MOB3B: variants seen among roughly 807,000 people sequenced by gnomAD.
MOB3B encodes MOB kinase activator 3B.
MOB3B carries 7 observed loss-of-function variants against 18.7 expected under a neutral mutation model. The observed-to-expected ratio is 0.37, with a 90% CI of 0.21 to 0.70. MOB3B has a LOEUF of 0.70. Ranked by LOEUF, MOB3B falls within the 30% of genes least tolerant of loss-of-function variation. The pLI is 0.52. For synonymous variants in MOB3B, 111 were observed against 99.9 expected, an observed-to-expected ratio of 1.11 and a Z score of -0.66; for missense variants, 253 against 281.3, an observed-to-expected ratio of 0.90 and a Z score of 0.72.
At chr9:27,382,970 G>A (rs939726162) in intron 2 of MOB3B, among the ~76,000 whole-genome samples, 2 of 152,126 alleles carry the variant, frequency 1.3e-5, no homozygotes, top group East Asian at 1.9e-4. Flanking sequence ...AAGGTATTTG[G>A]GGGAGAGGAG....
At chr9:27,472,676 TCTAAA>T (rs78774182) in intron 1 of MOB3B, among the ~76,000 whole-genome samples, 1 of 94,628 alleles carries the variant, frequency 1.1e-5, no homozygotes, top group Non-Finnish European at 2.2e-5. Flanking sequence ...TGCACTTTAT[TCTAAA>T]AAAAAAAAAA....
At chr9:27,440,152 T>C (rs1301664229) in intron 2 of MOB3B, among the ~76,000 whole-genome samples, 1 of 152,218 alleles carries the variant, frequency 6.6e-6, no homozygotes, top group Non-Finnish European at 1.5e-5. Flanking sequence ...AGATGTTCTA[T>C]AAATCCCATT....
chr9:27,519,155 C>T (rs541930031), intron 1 of MOB3B, among the ~76,000 whole-genome samples: 1 of 152,164 alleles, frequency 6.6e-6, no homozygotes, highest in African/African-American at 2.4e-5. Flanking sequence ...CATATCCCTA[C>T]ACAAAAAGAA....
rs55829817 is a variant in MOB3B at position 27,357,148 on chromosome 9, G to GTT, written c.621+1884_621+1885dup. On this transcript the variant is annotated intron_variant, in intron 3 of 3. Transcript: ENST00000262244. ...TATATATATATATATATATATATGT[G>GTT]TTTTTTTTTTTGCCATATATTCTCA... is the stretch of plus-strand genomic sequence containing the variant. Among the ~76,000 whole-genome samples, 50 of 69,190 alleles carry GTT rather than the reference G, an allele frequency of 7.2e-4. 3 individuals are homozygous for GTT. Among genetic ancestry groups the GTT allele is most frequent in the East Asian group, 7.2e-3 (13 of 1,812 alleles). The allele number at this position is 69,190 out of a possible 152,430, so 45.4% of individuals were successfully genotyped here. A position where few individuals can be genotyped will look rare whatever the true frequency, so the allele number is the denominator to read the frequency against.
In MOB3B at chr9:27,436,299, T is replaced by C. The variant is rs549202511; in HGVS notation, c.418+18834A>G. 1.5e-4 allele frequency among the ~76,000 whole-genome samples: 23 copies of C among 152,380 alleles called. No individual in the cohort carries two copies. In the South Asian group the frequency reaches 4.8e-3, roughly 32 times the overall value. The stretch of plus-strand genomic sequence containing the variant: ...TTTCACTTGTTCATTCATCAACTTA[T>C]ACAAAGCACTTTCATGTGCCTGGCA... On this transcript the variant is annotated intron_variant, in intron 2 of 3. Transcript: ENST00000262244.
chr9:27,504,572 G>C (rs1186253655), intron 1 of MOB3B, among the ~76,000 whole-genome samples: 1 of 152,166 alleles, frequency 6.6e-6, no homozygotes, highest in Non-Finnish European at 1.5e-5. Flanking sequence ...GGGAGATAAA[G>C]GAAGGACAGC....
At chr9:27,489,681 A>G (rs1184399996) in intron 1 of MOB3B, among the ~76,000 whole-genome samples, 2 of 150,690 alleles carry the variant, frequency 1.3e-5, no homozygotes, top group African/African-American at 2.4e-5. Context: ...TAGAAGCACA[A>G]ATTTTCCTGG....
intron 2 of MOB3B, among the ~76,000 whole-genome samples, chr9:27,428,533 C>T (rs1006645839): frequency 2.0e-5 from 3 of 152,154 alleles, no homozygotes; most frequent in Non-Finnish European, 2.9e-5. Flanking sequence ...AGAAATAAGA[C>T]GTGGTAGAGG....
At chr9:27,455,071 C>A (rs1453252098) in intron 2 of MOB3B, 62 bp downstream of exon 2, 16 of 1,592,318 alleles carry the variant, frequency 1.0e-5, no homozygotes, top group East Asian at 2.2e-5. Flanking sequence ...AGGCAGTCTG[C>A]AAATTTTCAT....
chr9:27,456,620 C>T (rs1234835925), intron 1 of MOB3B, among the ~76,000 whole-genome samples: 1 of 152,202 alleles, frequency 6.6e-6, no homozygotes, highest in Non-Finnish European at 1.5e-5. Context: ...TGTTTCTTGC[C>T]AAACATTCCT....
intron 3 of MOB3B, among the ~76,000 whole-genome samples, chr9:27,339,566 C>T (rs1205415095): frequency 1.3e-5 from 2 of 152,182 alleles, no homozygotes; most frequent in Non-Finnish European, 2.9e-5. Flanking sequence ...CAATGCTGGA[C>T]ATCATTTCAT....
intron 2 of MOB3B, among the ~76,000 whole-genome samples, chr9:27,423,104 A>G (rs991109604): frequency 2.6e-5 from 4 of 152,206 alleles, no homozygotes; most frequent in African/African-American, 7.2e-5. Context: ...ATGCTGTTCA[A>G]TAAAGCAAAC....
intron 2 of MOB3B, among the ~76,000 whole-genome samples, chr9:27,377,755 G>A (rs1434418896): frequency 1.3e-5 from 2 of 152,238 alleles, no homozygotes; most frequent in African/African-American, 4.8e-5. Context: ...CTAGCGAAAT[G>A]TTCTCTAAGA....
At chr9:27,498,374 G>C (rs545060917) in intron 1 of MOB3B, among the ~76,000 whole-genome samples, 8 of 152,190 alleles carry the variant, frequency 5.3e-5, no homozygotes, top group Admixed American at 3.9e-4. Flanking sequence ...TGAGCTGTGC[G>C]AGACCTTTAA....
intron 1 of MOB3B, among the ~76,000 whole-genome samples, chr9:27,518,641 A>G (rs1820276224): frequency 6.6e-6 from 1 of 152,228 alleles, no homozygotes; most frequent in African/African-American, 2.4e-5. Flanking sequence ...TACTACGTGC[A>G]TAATCTTCAG....
chr9:27,418,448 G>A (rs554200382), intron 2 of MOB3B, among the ~76,000 whole-genome samples: 1 of 152,058 alleles, frequency 6.6e-6, no homozygotes, highest in South Asian at 2.1e-4. Flanking sequence ...AAAAATACTA[G>A]CTAACCAAAT....
rs531014635 is a variant in MOB3B, at chr9:27,333,581, A to G, written c.622-2965T>C. ...GCCACTAAAGAACTCCAAAACGTGT[A>G]TTAAAAGGCTTCCGCTGAGGTGATG... On this transcript the variant is annotated intron_variant, in intron 3 of 3. Transcript: ENST00000262244. Among the ~76,000 whole-genome samples, 5 of 152,340 alleles carry G rather than the reference A, an allele frequency of 3.3e-5. No homozygotes were observed. The East Asian group carries it at 9.6e-4, about 29-fold the overall frequency.
In MOB3B at chr9:27,351,770, C is replaced by T. The variant is rs572873323; in HGVS notation, c.621+7264G>A. 2.6e-5 allele frequency among the ~76,000 whole-genome samples: 4 copies of T among 152,280 alleles called. No homozygotes were observed. The South Asian group carries it at 8.3e-4, about 32-fold the overall frequency. On this transcript the variant is annotated intron_variant, in intron 3 of 3. Transcript: ENST00000262244. ...TTGGCTGCTGCACTCACCCAAGCAA[C>T]TCTGAGAGAAGTGTATGTGTGGCCT...
chr9:27,435,508 T>C (rs1160684123), intron 2 of MOB3B, among the ~76,000 whole-genome samples: 1 of 152,200 alleles, frequency 6.6e-6, no homozygotes, highest in South Asian at 2.1e-4. Context: ...GCAATTCTTT[T>C]AACATTCAAG....
Sources: gnomAD v4.1 joint callset for allele counts (sites outside exome capture counted in the v4.1 genomes callset) on GRCh38, gnomAD v4.1.1 for gene constraint, MANE v1.5 for transcripts, NCBI Gene and HGNC (gene_info 2026-07-23, HGNC 2026-07-21) for gene names.